The following OPCML variants were observed in gnomAD, a reference collection of about 807,000 sequenced individuals.
The protein encoded by OPCML is opioid binding protein/cell adhesion molecule like.
OPCML carries 13 observed loss-of-function variants against 37.8 expected under a neutral mutation model. The ratio of observed to expected loss-of-function variants is 0.34; its 90% CI spans 0.22 to 0.55. The LOEUF is 0.55. Among genes scored for constraint, OPCML ranks in the 20% least tolerant of loss-of-function variants. OPCML has a pLI of 0.91. For synonymous variants in OPCML, 176 were observed against 168.8 expected (o/e 1.04, Z -0.33); for missense variants, 341 against 435.6 (o/e 0.78, Z 1.93).
chr11:132,551,850 C>T (rs1009411459), intron 3 of OPCML, among the ~76,000 whole-genome samples: 1 of 152,152 alleles, frequency 6.6e-6, no homozygotes, highest in Non-Finnish European at 1.5e-5. Context: ...ACAGCCGGCT[C>T]TGCGTGAATT....
At chr11:133,272,411 C>A (rs1046128018) in intron 1 of OPCML, among the ~76,000 whole-genome samples, 2 of 152,108 alleles carry the variant, frequency 1.3e-5, no homozygotes, top group African/African-American at 4.8e-5. Flanking sequence ...GCAATAAGAC[C>A]CACAAAGCAC....
chr11:132,494,366 T>C (rs1450517987), intron 4 of OPCML, among the ~76,000 whole-genome samples: 1 of 152,236 alleles, frequency 6.6e-6, no homozygotes, highest in Non-Finnish European at 1.5e-5. Context: ...TTTGAAAAAG[T>C]ATGAAATAAA....
chr11:133,311,895 C>T (rs1943075345), intron 1 of OPCML, among the ~76,000 whole-genome samples: 1 of 152,112 alleles, frequency 6.6e-6, no homozygotes, highest in Non-Finnish European at 1.5e-5. Flanking sequence ...GCTTCTCCAC[C>T]AAGAGCTGGG....
At chr11:132,902,903 G>C (rs1271254926) in intron 2 of OPCML, among the ~76,000 whole-genome samples, 1 of 151,956 alleles carries the variant, frequency 6.6e-6, no homozygotes, top group African/African-American at 2.4e-5. Flanking sequence ...TTACCTGGGA[G>C]ACTTTATCTG....
At chr11:133,382,872 CAT>C (rs1422934750) in intron 1 of OPCML, among the ~76,000 whole-genome samples, 2 of 152,118 alleles carry the variant, frequency 1.3e-5, no homozygotes, top group Non-Finnish European at 2.9e-5. Flanking sequence ...AAAACTGCCA[CAT>C]GTGTTAGCTC....
chr11:133,351,503 G>T lies in OPCML; in HGVS notation c.61+180761C>A, dbSNP rs564122924. ...AACTGCATTTACTTGCTTGTTAATT[G>T]TTAGGTCATTGCTACTTCTGGGTCA... On this transcript the variant is annotated intron_variant, in intron 1 of 7. Coordinates refer to ENST00000524381, the MANE Select transcript of OPCML (RefSeq NM_001012393.5). Among the ~76,000 whole-genome samples the T allele has an allele frequency of 2.7e-5, 4 of 150,344 alleles. No individual in the cohort carries two copies. In the East Asian group the frequency reaches 6.0e-4, roughly 23 times the overall value.
At chr11:133,427,219 G>A (rs904086793) in intron 1 of OPCML, among the ~76,000 whole-genome samples, 1 of 151,988 alleles carries the variant, frequency 6.6e-6, no homozygotes, top group Admixed American at 6.6e-5. Context: ...CACAAAAAAG[G>A]CATCAATAAA....
intron 1 of OPCML, among the ~76,000 whole-genome samples, chr11:133,524,298 TTA>T (rs1272865743): frequency 6.6e-6 from 1 of 152,214 alleles, no homozygotes; most frequent in Non-Finnish European, 1.5e-5. Context: ...GCACCCTTTT[TTA>T]TATCCTGTGA....
chr11:133,514,819 T>C (rs1000499230), intron 1 of OPCML, among the ~76,000 whole-genome samples: 4 of 152,204 alleles, frequency 2.6e-5, no homozygotes, highest in Non-Finnish European at 5.9e-5. Context: ...CTCAAGATAG[T>C]AGACTAAAAT....
At chr11:133,517,714 G>A (rs1018054455) in intron 1 of OPCML, among the ~76,000 whole-genome samples, 1 of 152,184 alleles carries the variant, frequency 6.6e-6, no homozygotes, top group East Asian at 1.9e-4. Flanking sequence ...GCAGCGCCAG[G>A]CCACAGAGCT....
chr11:133,262,777 C>A (rs1343063762), intron 1 of OPCML, among the ~76,000 whole-genome samples: 1 of 151,884 alleles, frequency 6.6e-6, no homozygotes, highest in Non-Finnish European at 1.5e-5. Flanking sequence ...TCATTTTGGC[C>A]AAGGGCAGCT....
chr11:133,082,979 G>A (rs1003952901), intron 1 of OPCML, among the ~76,000 whole-genome samples: 4 of 151,110 alleles, frequency 2.6e-5, no homozygotes, highest in African/African-American at 9.7e-5. Context: ...CGTCCGCGCG[G>A]CCGCCAGAGG....
At chr11:132,875,683 C>T (rs542667272) in intron 2 of OPCML, among the ~76,000 whole-genome samples, 134 of 152,154 alleles carry the variant, frequency 8.8e-4, no homozygotes, top group African/African-American at 3.1e-3. Flanking sequence ...AGGCTGGTCT[C>T]GAACTCACGA....
At chr11:132,850,599 AATTCATGAT>A in intron 2 of OPCML, among the ~76,000 whole-genome samples, 1 of 152,050 alleles carries the variant, frequency 6.6e-6, no homozygotes, top group East Asian at 1.9e-4. Context: ...TGTATAATTC[AATTCATGAT>A]TAGAGCAGAA....
intron 2 of OPCML, among the ~76,000 whole-genome samples, chr11:132,912,460 C>T (rs1276157928): frequency 6.6e-6 from 1 of 152,140 alleles, no homozygotes; most frequent in Non-Finnish European, 1.5e-5. Flanking sequence ...ATCATCAACA[C>T]TAACATCAAT....
intron 1 of OPCML, among the ~76,000 whole-genome samples, chr11:133,380,797 A>T (rs1359696947): frequency 6.6e-6 from 1 of 152,048 alleles, no homozygotes. Context: ...GCTATTCCTG[A>T]TCTTGTAGGT....
chr11:132,496,296 A>C (rs1013288904), intron 4 of OPCML, among the ~76,000 whole-genome samples: 1 of 152,242 alleles, frequency 6.6e-6, no homozygotes. Context: ...ATGTTATTAA[A>C]ATAAGTTCTA....
intron 1 of OPCML, among the ~76,000 whole-genome samples, chr11:133,329,214 C>T (rs1943557684): frequency 6.6e-6 from 1 of 152,200 alleles, no homozygotes; most frequent in Non-Finnish European, 1.5e-5. Context: ...ACATTCCACG[C>T]TCATGGGTAG....
intron 4 of OPCML, among the ~76,000 whole-genome samples, chr11:132,481,393 A>C (rs960114785): frequency 6.6e-6 from 1 of 151,744 alleles, no homozygotes; most frequent in African/African-American, 2.4e-5. Context: ...TATGCACCCA[A>C]TACAGGAGCA....
Sources: gnomAD v4.1 joint callset for allele counts (sites outside exome capture counted in the v4.1 genomes callset) on GRCh38, gnomAD v4.1.1 for gene constraint, MANE v1.5 for transcripts, NCBI Gene and HGNC (gene_info 2026-07-23, HGNC 2026-07-21) for gene names.